Variants in PRDM6 observed in about 807,000 individuals in gnomAD.
PRDM6 encodes the protein putative histone-lysine N-methyltransferase PRDM6.
In PRDM6, 25 loss-of-function variants were observed where a neutral mutation model predicts 60.8. The observed-to-expected ratio is 0.41, with a 90% CI of 0.30 to 0.57. The LOEUF is 0.57. Ranked by LOEUF, PRDM6 falls within the 20% of genes least tolerant of loss-of-function variation. The pLI, the probability that PRDM6 is intolerant of heterozygous loss-of-function variation, is 0.27. For missense variants in PRDM6, 839 were observed against 821.3 expected (o/e 1.02, Z -0.26); for synonymous variants, 407 against 357.4 (o/e 1.14, Z -1.57).
At chr5:123,089,970 C>G (rs1488031172) in intron 1 of PRDM6, 30 bp from the exon 2 acceptor site, 5 of 1,478,176 alleles carry the variant, frequency 3.4e-6, no homozygotes, top group East Asian at 2.6e-5. Flanking sequence ...CCAGCTCACG[C>G]GCCCCCTCTT....
In PRDM6 at chr5:123,102,364, G is replaced by A. The variant is rs779709011; in HGVS notation, c.900+2403G>A. 1.1e-4 allele frequency among the ~76,000 whole-genome samples: 16 copies of A among 152,056 alleles called. 1 individual carries two copies. The highest frequency in any genetic ancestry group is 1.9e-4 in the East Asian group (1 of 5,184). The stretch of plus-strand genomic sequence containing the variant: ...TGATTTATTTTTATGAAACATGACC[G>A]TTTGAATTGTTACATTTATAATACA... On this transcript the variant is annotated intron_variant, in intron 3 of 7. Coordinates refer to ENST00000407847, the MANE Select transcript of PRDM6 (RefSeq NM_001136239.4).
intron 6 of PRDM6, among the ~76,000 whole-genome samples, chr5:123,175,288 C>T (rs1765979915): frequency 6.6e-6 from 1 of 152,202 alleles, no homozygotes; most frequent in South Asian, 2.1e-4. Context: ...GTTTGTGCCA[C>T]ATGGGGCAAG....
intron 6 of PRDM6, among the ~76,000 whole-genome samples, chr5:123,179,448 T>C (rs1766092776): frequency 1.3e-5 from 2 of 152,196 alleles, no homozygotes; most frequent in African/African-American, 4.8e-5. Context: ...CAGGATATCT[T>C]TGACAAAGAG....
rs1037755158 is a variant in PRDM6, at chr5:123,192,320, T to C, written c.*5119T>C. 6.6e-6 allele frequency: 1 copy of C among 152,168 alleles called. No homozygotes were observed. Among genetic ancestry groups the C allele is most frequent in the African/African-American group, 2.4e-5 (1 of 41,416 alleles). 9.4% of individuals were successfully genotyped at this position (152,168 alleles called of 1,614,324 possible). ...AGTTTTAGCTTTGTAGCTTCTTTAG[T>C]TTTTTTCCTCCTTCAAAGCCATAAA... On this transcript the variant is annotated 3_prime_UTR_variant, in exon 8 of 8. Transcript: ENST00000407847.
At chr5:123,119,746 G>A (rs1486791787) in intron 3 of PRDM6, among the ~76,000 whole-genome samples, 1 of 152,192 alleles carries the variant, frequency 6.6e-6, no homozygotes, top group Admixed American at 6.5e-5. Flanking sequence ...AGCGGTGTCA[G>A]AGAGACCCTT....
chr5:123,149,366 T>C (rs577657652), intron 3 of PRDM6, among the ~76,000 whole-genome samples: 11 of 152,120 alleles, frequency 7.2e-5, no homozygotes, highest in South Asian at 2.1e-4. Context: ...CTTGAACATA[T>C]TGAGTGTTCA....
At chr5:123,162,620 A>C (rs1765660168) in intron 5 of PRDM6, among the ~76,000 whole-genome samples, 1 of 152,230 alleles carries the variant, frequency 6.6e-6, no homozygotes, top group Non-Finnish European at 1.5e-5. Context: ...GCTCTAAGTA[A>C]GGGTTGAGGG....
At chr5:123,180,036 T>A (rs1047787033) in intron 6 of PRDM6, 111 bp from the exon 7 acceptor site, 2 of 1,100,042 alleles carry the variant, frequency 1.8e-6, no homozygotes, top group Non-Finnish European at 2.6e-6. Flanking sequence ...ATGCCCTGTC[T>A]TAGAAACTGA....
intron 3 of PRDM6, among the ~76,000 whole-genome samples, chr5:123,154,886 C>T (rs192694600): frequency 6.6e-6 from 1 of 152,224 alleles, no homozygotes; most frequent in East Asian, 1.9e-4. Flanking sequence ...TTTAACTGTC[C>T]CTGCTTCCTG....
At chr5:123,130,112 TCCTCTC>T (rs1764790488) in intron 3 of PRDM6, among the ~76,000 whole-genome samples, 1 of 28,266 alleles carries the variant, frequency 3.5e-5, no homozygotes. Context: ...TCCCCTCCCC[TCCTCTC>T]CCCTTCCCTC....
intron 3 of PRDM6, among the ~76,000 whole-genome samples, chr5:123,113,055 T>A (rs1443297666): frequency 2.6e-5 from 4 of 152,170 alleles, no homozygotes; most frequent in Non-Finnish European, 5.9e-5. Context: ...TGAATTAACA[T>A]AAAAATTGAA....
At chr5:123,118,456 G>A (rs1302577864) in intron 3 of PRDM6, among the ~76,000 whole-genome samples, 2 of 152,122 alleles carry the variant, frequency 1.3e-5, no homozygotes, top group Non-Finnish European at 2.9e-5. Context: ...ACTTGAGGAG[G>A]GCAGCTTGCA....
intron 3 of PRDM6, among the ~76,000 whole-genome samples, chr5:123,116,643 TA>T (rs1764455789): frequency 1.3e-5 from 2 of 151,774 alleles, no homozygotes; most frequent in South Asian, 2.1e-4. Context: ...AAAAAAAAAT[TA>T]TTTTTCTGTT....
At chr5:123,104,051 C>G (rs1458467172) in intron 3 of PRDM6, among the ~76,000 whole-genome samples, 1 of 151,984 alleles carries the variant, frequency 6.6e-6, no homozygotes, top group African/African-American at 2.4e-5. Context: ...TATTTTTCTT[C>G]AGAAAATCAA....
chr5:123,091,828 T>A (rs1042792007), intron 2 of PRDM6, among the ~76,000 whole-genome samples: 4 of 152,256 alleles, frequency 2.6e-5, no homozygotes, highest in Non-Finnish European at 4.4e-5. Context: ...CAATTTTGAA[T>A]AAGTTGCTTC....
intron 7 of PRDM6, among the ~76,000 whole-genome samples, chr5:123,184,546 T>A (rs335195): frequency 0.032 from 4,938 of 152,220 alleles, 128 homozygotes; most frequent in Non-Finnish European, 0.049. Context: ...CTTCTTACTC[T>A]GTTACACTGC....
rs1766476665 is a variant in PRDM6 at position 123,193,850 on chromosome 5, A to G, written c.*6649A>G. On this transcript the variant is annotated 3_prime_UTR_variant, in exon 8 of 8. Coordinates refer to ENST00000407847, the MANE Select transcript of PRDM6 (RefSeq NM_001136239.4). ...GTAAATGTTCCCTACTGGAATAGAAATATGTCTCTCTCCAACTTTCCACCA... is the reference window on the plus strand; with the variant it reads ...GTAAATGTTCCCTACTGGAATAGAAGTATGTCTCTCTCCAACTTTCCACCA... The G allele has an allele frequency of 6.6e-6, 1 of 152,198 alleles. No homozygotes were observed. Among genetic ancestry groups the G allele is most frequent in the African/African-American group, 2.4e-5 (1 of 41,456 alleles). 9.4% of individuals were successfully genotyped at this position (152,198 alleles called of 1,614,324 possible). A position where few individuals can be genotyped will look rare whatever the true frequency, so the allele number is the denominator to read the frequency against.
intron 3 of PRDM6, among the ~76,000 whole-genome samples, chr5:123,123,621 T>C (rs1345127058): frequency 1.3e-5 from 2 of 152,248 alleles, no homozygotes; most frequent in African/African-American, 2.4e-5. Context: ...AATTGGTTGT[T>C]TTATTTTCAT....
At chr5:123,156,546 G>T (rs1765504053) in intron 4 of PRDM6, among the ~76,000 whole-genome samples, 1 of 152,192 alleles carries the variant, frequency 6.6e-6, no homozygotes, top group Non-Finnish European at 1.5e-5. Flanking sequence ...TCCGTCTAAA[G>T]GTGGCAGTGG....
Sources: allele counts gnomAD v4.1 joint callset (sites outside exome capture counted in the v4.1 genomes callset), GRCh38; gene constraint gnomAD v4.1.1; transcripts MANE v1.5; gene names NCBI Gene and HGNC (gene_info 2026-07-23, HGNC 2026-07-21).